MED13L: variants seen among roughly 807,000 people sequenced by gnomAD.
MED13L encodes the protein mediator complex subunit 13L.
In MED13L, 7 loss-of-function variants were observed where a neutral mutation model predicts 220.9. The observed-to-expected ratio is 0.03, with a 90% CI of 0.02 to 0.06. The LOEUF (loss-of-function observed/expected upper bound fraction) is 0.06, where lower values mean the gene tolerates loss of function less well. Ranked by LOEUF, MED13L falls within the 10% of genes least tolerant of loss-of-function variation. The pLI, the probability that MED13L is intolerant of heterozygous loss-of-function variation, is 1.00. For synonymous variants in MED13L, 1,011 were observed against 1,015.2 expected, an observed-to-expected ratio of 1.00 and a Z score of 0.08; for missense variants, 1,965 against 2,760.5, an observed-to-expected ratio of 0.71 and a Z score of 6.46.
chr12:116,245,397 T>C (rs1429411022), intron 1 of MED13L, among the ~76,000 whole-genome samples: 1 of 152,070 alleles, frequency 6.6e-6, no homozygotes, highest in African/African-American at 2.4e-5. Flanking sequence ...GGTCACATGC[T>C]CAGAAATTCC....
intron 10 of MED13L, chr12:116,008,180 T>C (rs982664398): frequency 2.8e-5 from 16 of 567,196 alleles, no homozygotes; most frequent in African/African-American, 1.9e-4. Flanking sequence ...TGTACTTAAA[T>C]GGCATAAAGA....
intron 13 of MED13L, among the ~76,000 whole-genome samples, chr12:116,005,576 G>A (rs546636238): frequency 6.6e-6 from 1 of 152,180 alleles, no homozygotes. Flanking sequence ...TACAATAAAT[G>A]TGAGAGATTT....
At chr12:116,118,632 C>A (rs1361394162) in intron 2 of MED13L, among the ~76,000 whole-genome samples, 1 of 151,990 alleles carries the variant, frequency 6.6e-6, no homozygotes, top group Non-Finnish European at 1.5e-5. Flanking sequence ...CTTTTTTTCT[C>A]ATGATCAGAG....
chr12:116,276,402 G>C, intron 1 of MED13L: 1 of 1,280,070 alleles, frequency 7.8e-7, no homozygotes, highest in Non-Finnish European at 1.0e-6. Flanking sequence ...GACACAGGAG[G>C]AGAGAAAGAA....
intron 2 of MED13L, among the ~76,000 whole-genome samples, chr12:116,203,094 T>C (rs1882103444): frequency 6.6e-6 from 1 of 152,174 alleles, no homozygotes; most frequent in South Asian, 2.1e-4. Flanking sequence ...GGGACCAAAT[T>C]AAATCAGCGT....
chr12:116,067,447 A>G (rs1419840287), intron 4 of MED13L, among the ~76,000 whole-genome samples: 1 of 152,208 alleles, frequency 6.6e-6, no homozygotes, highest in Non-Finnish European at 1.5e-5. Flanking sequence ...AACAGTTTGG[A>G]GATCCCCCAT....
intron 4 of MED13L, among the ~76,000 whole-genome samples, chr12:116,070,021 A>T (rs781692696): frequency 4.6e-5 from 7 of 152,190 alleles, no homozygotes; most frequent in African/African-American, 9.6e-5. Flanking sequence ...GAGTATTTTT[A>T]AAAAATTTTT....
chr12:116,102,869 G>A (rs567207285), intron 3 of MED13L, among the ~76,000 whole-genome samples: 5 of 151,080 alleles, frequency 3.3e-5, no homozygotes, highest in South Asian at 2.1e-4. Context: ...TTACAGACGC[G>A]CCCCACCACG....
At chr12:115,987,909 T>TG (rs1461608611) in intron 17 of MED13L, among the ~76,000 whole-genome samples, 1 of 152,188 alleles carries the variant, frequency 6.6e-6, no homozygotes, top group Non-Finnish European at 1.5e-5. Context: ...GCAGTCGCCC[T>TG]GGGGAGGGAT....
Position 116,121,061 on chromosome 12 carries a change from T to C in MED13L, c.311-9549A>G, listed in dbSNP as rs1875051068. On this transcript the variant is annotated intron_variant, in intron 2 of 30. Coordinates refer to ENST00000281928, the MANE Select transcript of MED13L (RefSeq NM_015335.5). ...CTGCCTATTTACAAAGAAAAACTATTTTGGCACTAAAGTTATCTCACTTAA... is the reference window on the plus strand; with the variant it reads ...CTGCCTATTTACAAAGAAAAACTATCTTGGCACTAAAGTTATCTCACTTAA... Among the ~76,000 whole-genome samples, 4 of 152,166 alleles carry C rather than the reference T, an allele frequency of 2.6e-5. No individual in the cohort carries two copies. The South Asian group carries it at 8.3e-4, about 31-fold the overall frequency.
At chr12:116,006,498 G>A (rs906476371) in intron 11 of MED13L, 87 bp from the exon 12 acceptor site, 13 of 1,037,760 alleles carry the variant, frequency 1.3e-5, no homozygotes, top group Non-Finnish European at 1.5e-5. Flanking sequence ...TTAGAGGGTA[G>A]AATGGAACTT....
At chr12:115,969,157 C>A (rs950503765) in intron 27 of MED13L, 60 bp from the exon 28 acceptor site, 5 of 1,545,692 alleles carry the variant, frequency 3.2e-6, no homozygotes, top group African/African-American at 1.4e-5. Flanking sequence ...ATATCAATAT[C>A]ATAATAATCC....
At position 116,031,752 on chromosome 12, in the gene MED13L, A is replaced by AAGAAGGAAGGAAGG. The variant is rs1555251772; in HGVS notation, c.480-9152_480-9151insCCTTCCTTCCTTCT. ...AAAGAAAAGAAAAGAAAAGAAAAGA[A>AAGAAGGAAGGAAGG]AAGAAAAGAAGGAAGGAAGGAAGGA... On this transcript the variant is annotated intron_variant, in intron 4 of 30. Coordinates refer to ENST00000281928, the MANE Select transcript of MED13L (RefSeq NM_015335.5). Among the ~76,000 whole-genome samples the AAGAAGGAAGGAAGG allele has an allele frequency of 1.2e-3, 39 of 31,496 alleles. 2 individuals carry two copies. The highest frequency in any genetic ancestry group is 9.8e-3 in the East Asian group (11 of 1,124). 20.7% of individuals were successfully genotyped at this position (31,496 alleles called of 152,430 possible).
chr12:115,966,268 A>G (rs143605357), intron 28 of MED13L, 25 bp from the exon 29 acceptor site: 1 of 1,613,592 alleles, frequency 6.2e-7, no homozygotes, highest in African/African-American at 1.3e-5. Context: ...TCCCAAAAAC[A>G]TGATCAGCAT....
intron 2 of MED13L, chr12:116,174,443 C>A (rs1328061611): frequency 6.7e-6 from 1 of 150,130 alleles, no homozygotes; most frequent in Non-Finnish European, 1.5e-5. Flanking sequence ...AGAGCTACAT[C>A]TAAAAAGAAT....
At chr12:116,098,293 T>TG (rs1056214061) in intron 3 of MED13L, among the ~76,000 whole-genome samples, 4 of 151,310 alleles carry the variant, frequency 2.6e-5, no homozygotes, top group Non-Finnish European at 4.4e-5. Context: ...CATAAAAATG[T>TG]GGGGGGGAAA....
At chr12:116,138,777 TTTCA>T (rs1876803398) in intron 2 of MED13L, among the ~76,000 whole-genome samples, 3 of 152,258 alleles carry the variant, frequency 2.0e-5, no homozygotes, top group Admixed American at 6.5e-5. Context: ...GCATTTTTTG[TTTCA>T]TTGTGTTTAA....
chr12:116,082,997 T>C (rs1234870832), intron 4 of MED13L, among the ~76,000 whole-genome samples: 1 of 152,224 alleles, frequency 6.6e-6, no homozygotes, highest in Non-Finnish European at 1.5e-5. Flanking sequence ...GACAAGTTGA[T>C]AGGTTTGATT....
At chr12:116,160,979 A>C (rs543597403) in intron 2 of MED13L, among the ~76,000 whole-genome samples, 1 of 152,302 alleles carries the variant, frequency 6.6e-6, no homozygotes, top group South Asian at 2.1e-4. Context: ...TCGGTAATTT[A>C]TGAAGAAAAT....
Sources: allele counts gnomAD v4.1 joint callset (sites outside exome capture counted in the v4.1 genomes callset), GRCh38; gene constraint gnomAD v4.1.1; transcripts MANE v1.5; gene names NCBI Gene and HGNC (gene_info 2026-07-23, HGNC 2026-07-21).